LUZP1: variants seen among roughly 807,000 people sequenced by gnomAD.
LUZP1 encodes filamin mechanobinding actin cross-linking protein.
Under a neutral mutation model 71.3 loss-of-function variants are expected in LUZP1, and 25 were observed. The ratio of observed to expected loss-of-function variants is 0.35; its 90% CI spans 0.26 to 0.49. The LOEUF is 0.49. LUZP1 is among the 20% of genes least tolerant of loss of function. LUZP1 has a pLI of 0.99. For missense variants in LUZP1, 1,142 were observed against 1,300.8 expected (o/e 0.88, Z 1.88); for synonymous variants, 481 against 506.4 (o/e 0.95, Z 0.67).
chr1:23,126,525 A>G (rs1475674075), intron 2 of LUZP1, among the ~76,000 whole-genome samples: 1 of 152,086 alleles, frequency 6.6e-6, no homozygotes, highest in South Asian at 2.1e-4. Context: ...ATATTTACTT[A>G]CACTCTCTCT....
rs369684962 is a variant in LUZP1 at position 23,089,570 on chromosome 1, G to A, written c.3073-517C>T. Among the ~76,000 whole-genome samples, 3 of 151,064 alleles carry A rather than the reference G, an allele frequency of 2.0e-5. No homozygotes were observed. The East Asian group carries it at 5.9e-4, about 30-fold the overall frequency. On this transcript the variant is annotated intron_variant, in intron 4 of 4. Transcript: ENST00000302291. ...GTCCAAAGCTTCAGGGGCCCAAATA[G>A]CTGTCTTTCTCCCTACGCCTAGAAT...
At chr1:23,126,849 A>G (rs1644176037) in intron 2 of LUZP1, among the ~76,000 whole-genome samples, 1 of 152,164 alleles carries the variant, frequency 6.6e-6, no homozygotes, top group Admixed American at 6.5e-5. Flanking sequence ...GTAATGTGCA[A>G]TTTCTCCCGC....
intron 3 of LUZP1, among the ~76,000 whole-genome samples, chr1:23,107,241 CACT>C (rs1275673835): frequency 6.6e-6 from 1 of 152,182 alleles, no homozygotes; most frequent in Non-Finnish European, 1.5e-5. Flanking sequence ...AGCTCCCCAC[CACT>C]ATCACCTTAC....
chr1:23,145,884 C>T (rs1052745142), intron 2 of LUZP1, among the ~76,000 whole-genome samples: 6 of 152,066 alleles, frequency 3.9e-5, no homozygotes, highest in Admixed American at 3.3e-4. Flanking sequence ...TCATTTGAGT[C>T]AATAAATTTG....
intron 2 of LUZP1, among the ~76,000 whole-genome samples, chr1:23,152,877 C>T (rs1644395041): frequency 6.6e-6 from 1 of 152,060 alleles, no homozygotes; most frequent in Admixed American, 6.6e-5. Context: ...ACTTTCTTTT[C>T]TTCTTTCTCT....
At position 23,094,379 on chromosome 1, in the gene LUZP1, A is replaced by G. The variant is rs1569863070; in HGVS notation, c.-118T>C. On this transcript the variant is annotated splice_region_variant and 5_prime_UTR_variant, in exon 4 of 5. Coordinates refer to ENST00000302291, the Ensembl canonical transcript of LUZP1. The surrounding 1 kb of genome is among the most constrained non-coding windows in gnomAD (Gnocchi z 4.7). ...CTTTGACAGCTGGAGACCATCATCA[A>G]TCTACAAAAGGAAAGTAGAAAGCAT... 4.1e-6 allele frequency: 6 copies of G among 1,461,626 alleles called. No homozygotes were observed. The South Asian group carries it at 4.5e-5, about 11-fold the overall frequency. 90.5% of individuals were successfully genotyped at this position (1,461,626 alleles called of 1,614,324 possible).
At chr1:23,096,401 G>A (rs941015135) in intron 3 of LUZP1, among the ~76,000 whole-genome samples, 1 of 152,146 alleles carries the variant, frequency 6.6e-6, no homozygotes. Flanking sequence ...CAAAAGGATA[G>A]AATACAGAAT....
chr1:23,095,904 G>A (rs1643889395), intron 3 of LUZP1, among the ~76,000 whole-genome samples: 1 of 152,074 alleles, frequency 6.6e-6, no homozygotes, highest in Non-Finnish European at 1.5e-5. Context: ...GCAAACAAAA[G>A]TACTCTGGAG....
chr1:23,104,334 G>A (rs187239290), intron 3 of LUZP1, among the ~76,000 whole-genome samples: 16 of 151,784 alleles, frequency 1.1e-4, no homozygotes, highest in Admixed American at 6.6e-5. Context: ...ACAGGTGTGC[G>A]CCACCACGCC....
At chr1:23,112,441 C>T (rs1027946124) in intron 2 of LUZP1, among the ~76,000 whole-genome samples, 1 of 152,192 alleles carries the variant, frequency 6.6e-6, no homozygotes, top group African/African-American at 2.4e-5. Flanking sequence ...CCTCCTTTCC[C>T]AGAGGAGCAA....
At position 23,114,237 on chromosome 1, in the gene LUZP1, T is replaced by C. The variant is rs564367890; in HGVS notation, c.-225-5110A>G. ...AATAACTTGGGATCACAGAGTTTTC[T>C]AGTGGTCCTAAATTATATAGGAAGC... On this transcript the variant is annotated intron_variant, in intron 2 of 4. Coordinates refer to ENST00000302291, the Ensembl canonical transcript of LUZP1. 5.9e-5 allele frequency among the ~76,000 whole-genome samples: 9 copies of C among 152,340 alleles called. No individual in the cohort carries two copies. In the South Asian group the frequency reaches 1.9e-3, roughly 32 times the overall value.
At chr1:23,106,727 C>T (rs940558451) in intron 3 of LUZP1, among the ~76,000 whole-genome samples, 1 of 152,186 alleles carries the variant, frequency 6.6e-6, no homozygotes, top group African/African-American at 2.4e-5. Context: ...ACCACTACCA[C>T]CCAGGTCCAA....
At chr1:23,103,882 GAGAGGGAGAGAGGGAGGGAGGGGGGAA>G (rs1643955437) in intron 3 of LUZP1, among the ~76,000 whole-genome samples, 9 of 8,548 alleles carry the variant, frequency 1.1e-3, no homozygotes, top group Non-Finnish European at 2.0e-3. Context: ...GAGGGAGGGA[GAGAGGGAGAGAGGGAGGGAGGGGGGAA>G]GGAGGGAGGG....
intron 3 of LUZP1, among the ~76,000 whole-genome samples, chr1:23,105,768 T>C (rs868752821): frequency 1.3e-5 from 2 of 152,164 alleles, no homozygotes; most frequent in African/African-American, 2.4e-5. Flanking sequence ...AAACAAAATA[T>C]AACCAAAATC....
intron 2 of LUZP1, chr1:23,162,715 C>T (rs1293430571): frequency 1.3e-5 from 2 of 152,188 alleles, no homozygotes; most frequent in Non-Finnish European, 2.9e-5. Flanking sequence ...TGCTCACTTC[C>T]ACAACACAAA....
chr1:23,131,712 G>A (rs1203342831), intron 2 of LUZP1, among the ~76,000 whole-genome samples: 2 of 151,554 alleles, frequency 1.3e-5, no homozygotes, highest in Non-Finnish European at 2.9e-5. Flanking sequence ...TTGAGATGGA[G>A]TCTCACCCTC....
chr1:23,140,240 C>A (rs1241687257), intron 2 of LUZP1: 2 of 152,046 alleles, frequency 1.3e-5, no homozygotes, highest in Admixed American at 1.3e-4. Flanking sequence ...TGACTTAGGG[C>A]AACTACAACC....
At chr1:23,131,578 TA>T (rs1644215733) in intron 2 of LUZP1, among the ~76,000 whole-genome samples, 1 of 152,218 alleles carries the variant, frequency 6.6e-6, no homozygotes. Flanking sequence ...AGGCAGTCAA[TA>T]AATATTAATC....
chr1:23,143,705 A>G (rs1644322587), intron 2 of LUZP1, among the ~76,000 whole-genome samples: 1 of 152,238 alleles, frequency 6.6e-6, no homozygotes, highest in South Asian at 2.1e-4. Flanking sequence ...ACTCAACTTC[A>G]GAAAGGTTCA....
Sources: allele counts gnomAD v4.1 joint callset (sites outside exome capture counted in the v4.1 genomes callset), GRCh38; gene constraint gnomAD v4.1.1; non-coding constraint Gnocchi (gnomAD v3.1); transcripts MANE v1.5; gene names NCBI Gene and HGNC (gene_info 2026-07-23, HGNC 2026-07-21).